Variants in UBR3 observed in about 807,000 individuals in gnomAD.
The protein encoded by UBR3 is E3 ubiquitin-protein ligase UBR3.
UBR3 carries 85 observed loss-of-function variants against 243.2 expected under a neutral mutation model. That is an observed-to-expected ratio of 0.35 (90% CI 0.29 to 0.42). UBR3 has a LOEUF of 0.42. Among genes scored for constraint, UBR3 ranks in the 10% least tolerant of loss-of-function variants. The pLI is 1.00. For missense variants in UBR3, 1,686 were observed against 2,300.8 expected (o/e 0.73, Z 5.47); for synonymous variants, 748 against 799.8 (o/e 0.94, Z 1.09).
intron 26 of UBR3, among the ~76,000 whole-genome samples, chr2:169,996,845 GC>G (rs1559170230): frequency 2.0e-5 from 3 of 151,514 alleles, no homozygotes; most frequent in African/African-American, 7.3e-5. Flanking sequence ...GACTACAGGC[GC>G]CCACCACCAT....
At chr2:169,987,603 A>G (rs1444101403) in intron 25 of UBR3, among the ~76,000 whole-genome samples, 1 of 151,544 alleles carries the variant, frequency 6.6e-6, no homozygotes, top group Non-Finnish European at 1.5e-5. Flanking sequence ...TATAATTTTA[A>G]AAGTTTGAAG....
chr2:169,832,426 TG>T (rs2081968844), intron 1 of UBR3, among the ~76,000 whole-genome samples: 1 of 152,040 alleles, frequency 6.6e-6, no homozygotes, highest in African/African-American at 2.4e-5. Flanking sequence ...GGTGGGTGCC[TG>T]TAGTCCCAGC....
At chr2:170,019,634 A>C (rs77220348) in intron 30 of UBR3, among the ~76,000 whole-genome samples, 1 of 152,102 alleles carries the variant, frequency 6.6e-6, no homozygotes, top group Admixed American at 6.6e-5. Flanking sequence ...GGAGTGAGGC[A>C]TGATTGTGCC....
chr2:169,964,773 T>C, intron 24 of UBR3: 1 of 432,414 alleles, frequency 2.3e-6, no homozygotes, highest in South Asian at 1.7e-5. Context: ...ATGTCATAAG[T>C]GCAAAGTTAT....
chr2:169,914,024 T>C, intron 10 of UBR3, 36 bp from the exon 11 acceptor site: 1 of 983,460 alleles, frequency 1.0e-6, no homozygotes. Flanking sequence ...TATGTTTATA[T>C]ATCATAAATT....
chr2:169,875,718 A>C, intron 2 of UBR3, 73 bp from the exon 3 acceptor site: 1 of 1,280,708 alleles, frequency 7.8e-7, no homozygotes, highest in East Asian at 2.6e-5. Flanking sequence ...TAAAAGAATA[A>C]ATACTGTTAT....
chr2:169,955,741 C>T (rs1353726113), intron 23 of UBR3, among the ~76,000 whole-genome samples: 1 of 143,348 alleles, frequency 7.0e-6, no homozygotes, highest in East Asian at 2.1e-4. Context: ...TTGCAGTGAC[C>T]TTAGATCGTG....
chr2:169,878,501 A>G, intron 4 of UBR3, 24 bp from the exon 5 acceptor site: 1 of 1,547,182 alleles, frequency 6.5e-7, no homozygotes, highest in Non-Finnish European at 8.7e-7. Context: ...TATGAAGGAC[A>G]ACTATTTTTC....
chr2:169,855,829 C>T (rs958933890), intron 1 of UBR3, among the ~76,000 whole-genome samples: 10 of 152,266 alleles, frequency 6.6e-5, no homozygotes, highest in Admixed American at 1.3e-4. Flanking sequence ...AAACCGCCAT[C>T]GTCATCATGG....
chr2:169,939,923 G>T (rs1047904179), intron 19 of UBR3, among the ~76,000 whole-genome samples: 1 of 151,818 alleles, frequency 6.6e-6, no homozygotes, highest in East Asian at 1.9e-4. Context: ...TGGATACTTG[G>T]TCATTGCTGT....
intron 24 of UBR3, among the ~76,000 whole-genome samples, chr2:169,975,703 C>T (rs1338966591): frequency 6.6e-6 from 1 of 151,966 alleles, no homozygotes; most frequent in Non-Finnish European, 1.5e-5. Flanking sequence ...GTCTCAGCTA[C>T]CCAGGAGGCT....
chr2:169,843,093 C>A (rs2082354623), intron 1 of UBR3, among the ~76,000 whole-genome samples: 1 of 152,184 alleles, frequency 6.6e-6, no homozygotes, highest in South Asian at 2.1e-4. Context: ...CTACTCCAGC[C>A]TCTACCTATT....
chr2:169,970,165 A>C (rs879816614), intron 24 of UBR3, among the ~76,000 whole-genome samples: 4 of 146,284 alleles, frequency 2.7e-5, no homozygotes, highest in Non-Finnish European at 6.0e-5. Flanking sequence ...GATGACTTCA[A>C]TTTCTTTCAT....
chr2:169,986,578 C>T lies in UBR3; in HGVS notation c.3635-67C>T. ...AAAATTGTTTGAACTTGATTTTTCT[C>T]TCACACTTTCATTGAAGAGAGATTT... On this transcript the variant is annotated intron_variant, in intron 24 of 38. Transcript: ENST00000272793. 13 of 1,485,660 alleles carry T rather than the reference C, an allele frequency of 8.8e-6. No individual in the cohort carries two copies. In the South Asian group the frequency reaches 1.7e-4, roughly 20 times the overall value. The allele number at this position is 1,485,660 out of a possible 1,614,324, so 92.0% of individuals were successfully genotyped here.
At chr2:169,852,064 G>A (rs1044118556) in intron 1 of UBR3, among the ~76,000 whole-genome samples, 2 of 152,068 alleles carry the variant, frequency 1.3e-5, no homozygotes, top group Non-Finnish European at 2.9e-5. Flanking sequence ...AGACAATGTG[G>A]TTTAATCTCT....
intron 32 of UBR3, among the ~76,000 whole-genome samples, chr2:170,051,760 T>G (rs73019569): frequency 0.043 from 6,526 of 152,310 alleles, 154 homozygotes; most frequent in Middle Eastern, 0.061. Context: ...ATGTTTTTGT[T>G]TGTACTTAAT....
chr2:169,843,405 G>A (rs1306263600), intron 1 of UBR3, among the ~76,000 whole-genome samples: 3 of 152,158 alleles, frequency 2.0e-5, no homozygotes, highest in African/African-American at 7.2e-5. Context: ...AGCAAAAGGG[G>A]CCTGAGCTAG....
intron 30 of UBR3, among the ~76,000 whole-genome samples, chr2:170,023,416 T>TCC (rs1559195900): frequency 6.6e-6 from 1 of 151,222 alleles, no homozygotes; most frequent in Non-Finnish European, 1.5e-5. Flanking sequence ...TGAAAATTTT[T>TCC]TTTTTTTTTT....
intron 29 of UBR3, among the ~76,000 whole-genome samples, chr2:170,011,763 A>T (rs1467103770): frequency 6.6e-6 from 1 of 151,994 alleles, no homozygotes. Context: ...AAATGATCTA[A>T]AAATTAATCA....
Sources: gnomAD v4.1 joint callset for allele counts (sites outside exome capture counted in the v4.1 genomes callset) on GRCh38, gnomAD v4.1.1 for gene constraint, MANE v1.5 for transcripts, NCBI Gene and HGNC (gene_info 2026-07-23, HGNC 2026-07-21) for gene names.